CTBP2: variants seen among roughly 807,000 people sequenced by gnomAD.
CTBP2 encodes C-terminal binding protein 2.
CTBP2 carries 30 observed loss-of-function variants against 80.3 expected under a neutral mutation model. The ratio of observed to expected loss-of-function variants is 0.37; its 90% CI spans 0.28 to 0.51. CTBP2 has a LOEUF of 0.51. CTBP2 is among the 20% of genes least tolerant of loss of function. The pLI is 0.93. For missense variants in CTBP2, 1,212 were observed against 1,375.3 expected, an observed-to-expected ratio of 0.88 and a Z score of 1.88; for synonymous variants, 594 against 587.4, an observed-to-expected ratio of 1.01 and a Z score of -0.16.
At chr10:125,109,218 A>G (rs867828308) in intron 2 of CTBP2, among the ~76,000 whole-genome samples, 6 of 152,358 alleles carry the variant, frequency 3.9e-5, no homozygotes, top group East Asian at 1.9e-4. Flanking sequence ...ATGAGCATCT[A>G]TGAAACGTAA....
rs887521121 is a variant in CTBP2 at position 125,110,256 on chromosome 10, T to TA, written c.-102+733dup. Among the ~76,000 whole-genome samples the TA allele has an allele frequency of 3.9e-4, 59 of 152,316 alleles. 2 individuals carry two copies. The highest frequency in any genetic ancestry group is 1.3e-3 in the African/African-American group (52 of 41,562). ...ACCTCACGGGGAAAACATTTTTTTTTAAAAAGCAAGATTAAAATCAATTCC... is the reference window on the plus strand; with the variant it reads ...ACCTCACGGGGAAAACATTTTTTTTTAAAAAAGCAAGATTAAAATCAATTCC... On this transcript the variant is annotated intron_variant, in intron 2 of 10. Coordinates refer to the CTBP2 transcript ENST00000337195.
At chr10:125,023,887 G>T (rs1281003278) in intron 1 of CTBP2, among the ~76,000 whole-genome samples, 1 of 152,228 alleles carries the variant, frequency 6.6e-6, no homozygotes, top group Admixed American at 6.5e-5. Flanking sequence ...TCCCGAAGGG[G>T]AGAAGAGAGT....
At chr10:125,124,320 G>A (rs958612076) in intron 1 of CTBP2, among the ~76,000 whole-genome samples, 2 of 152,126 alleles carry the variant, frequency 1.3e-5, no homozygotes, top group Non-Finnish European at 2.9e-5. Context: ...CATACTCGAC[G>A]CTAGCACTCC....
At chr10:125,043,449 T>C (rs189245677) in intron 2 of CTBP2, among the ~76,000 whole-genome samples, 226 of 152,336 alleles carry the variant, frequency 1.5e-3, no homozygotes, top group Non-Finnish European at 1.9e-3. Flanking sequence ...TTTCTTTTTC[T>C]TTTTTGAGAA....
At chr10:124,996,049 T>TTTG (rs1953481513) in intron 4 of CTBP2, 1 of 1,636 alleles carries the variant, frequency 6.1e-4, no homozygotes. Flanking sequence ...TATTTCTTTG[T>TTTG]TTTTTTTTTT....
chr10:125,038,253 G>A (rs1959079044), intron 3 of CTBP2, among the ~76,000 whole-genome samples: 2 of 152,152 alleles, frequency 1.3e-5, no homozygotes, highest in African/African-American at 2.4e-5. Context: ...AAACTTCAGC[G>A]TGTGCGTGAA....
At chr10:125,109,294 C>T (rs973831507) in intron 2 of CTBP2, among the ~76,000 whole-genome samples, 1 of 152,176 alleles carries the variant, frequency 6.6e-6, no homozygotes, top group African/African-American at 2.4e-5. Flanking sequence ...GGTGAAAGAG[C>T]GTGGATGTCC....
At chr10:125,152,081 C>A (rs1442000587) in intron 1 of CTBP2, among the ~76,000 whole-genome samples, 3 of 150,448 alleles carry the variant, frequency 2.0e-5, no homozygotes, top group South Asian at 2.2e-4. Context: ...AAGTGCCCTG[C>A]GGGGGGAAGA....
chr10:125,107,700 A>G (rs753423940), intron 2 of CTBP2, among the ~76,000 whole-genome samples: 2 of 152,082 alleles, frequency 1.3e-5, no homozygotes, highest in Non-Finnish European at 2.9e-5. Flanking sequence ...CACCAAGCAC[A>G]CTGAGTTTCC....
At position 125,078,383 on chromosome 10, in the gene CTBP2, G is replaced by A. The variant is rs376762793; in HGVS notation, c.-102+32607C>T. ...GGACATATTTCCTAGGCGAAGATAG[G>A]TCCAAGAAGATTATTTTTGTCTACA... On this transcript the variant is annotated intron_variant, in intron 2 of 10. Coordinates refer to the CTBP2 transcript ENST00000337195. 3.3e-3 allele frequency among the ~76,000 whole-genome samples: 497 copies of A among 152,130 alleles called. 4 individuals carry two copies. Among genetic ancestry groups the A allele is most frequent in the African/African-American group, 0.011 (474 of 41,488 alleles).
intron 8 of CTBP2, among the ~76,000 whole-genome samples, chr10:124,991,783 C>T (rs1952659511): frequency 6.7e-6 from 1 of 150,174 alleles, no homozygotes; most frequent in Admixed American, 6.8e-5. Flanking sequence ...TTGCCAAGAG[C>T]TAGAAACCCT....
chr10:125,124,015 C>T (rs1484960268), intron 1 of CTBP2, among the ~76,000 whole-genome samples: 2 of 152,246 alleles, frequency 1.3e-5, no homozygotes, highest in Admixed American at 1.3e-4. Flanking sequence ...TAAATCGAAA[C>T]TACAGAGCAG....
intron 2 of CTBP2, among the ~76,000 whole-genome samples, chr10:125,056,217 A>C (rs1453666037): frequency 6.6e-6 from 1 of 151,452 alleles, no homozygotes; most frequent in Non-Finnish European, 1.5e-5. Context: ...AATAATAACT[A>C]ATAAACAAAA....
chr10:124,991,001 G>A (rs140787331), intron 8 of CTBP2, among the ~76,000 whole-genome samples: 136 of 152,362 alleles, frequency 8.9e-4, no homozygotes, highest in African/African-American at 3.1e-3. Flanking sequence ...TTTCTAGGCT[G>A]GTTGGCTATA....
At chr10:125,060,463 C>CGTGTGTGTGT (rs56032803) in intron 2 of CTBP2, among the ~76,000 whole-genome samples, 70 of 147,968 alleles carry the variant, frequency 4.7e-4, no homozygotes, top group African/African-American at 1.1e-3. Context: ...ATTCCCCCCA[C>CGTGTGTGTGT]GTGTGTGTGT....
intron 1 of CTBP2, among the ~76,000 whole-genome samples, chr10:125,146,699 C>G (rs1656688296): frequency 6.6e-6 from 1 of 152,148 alleles, no homozygotes; most frequent in African/African-American, 2.4e-5. Flanking sequence ...TTCCTTACCC[C>G]ACCTTGCCAT....
At chr10:125,135,081 T>C (rs1477037317) in intron 1 of CTBP2, among the ~76,000 whole-genome samples, 2 of 152,172 alleles carry the variant, frequency 1.3e-5, no homozygotes, top group East Asian at 3.9e-4. Context: ...CTCGCTGCGC[T>C]GGGCTAGAGG....
intron 1 of CTBP2, among the ~76,000 whole-genome samples, chr10:125,148,055 G>A (rs935636672): frequency 2.0e-5 from 3 of 152,172 alleles, no homozygotes; most frequent in Non-Finnish European, 4.4e-5. Context: ...CTCCCAGTGT[G>A]GGAGAGAAGT....
chr10:125,069,109 T>C (rs758941511), intron 2 of CTBP2, among the ~76,000 whole-genome samples: 3 of 152,100 alleles, frequency 2.0e-5, no homozygotes, highest in Non-Finnish European at 2.9e-5. Context: ...TCCAGGGGCC[T>C]TTCTCAGGAC....
Sources: gnomAD v4.1 joint callset for allele counts (sites outside exome capture counted in the v4.1 genomes callset) on GRCh38, gnomAD v4.1.1 for gene constraint, MANE v1.5 for transcripts, NCBI Gene and HGNC (gene_info 2026-07-23, HGNC 2026-07-21) for gene names.